MYOM1: variants seen among roughly 807,000 people sequenced by gnomAD.
The protein encoded by MYOM1 is myomesin 1.
A neutral mutation model predicts 205.3 loss-of-function variants in MYOM1; 164 were observed. The observed-to-expected ratio is 0.80, with a 90% CI of 0.70 to 0.91. The LOEUF is 0.91. Ranked by LOEUF, MYOM1 falls within the 40% of genes least tolerant of loss-of-function variation. The pLI is 0.00. For synonymous variants in MYOM1, 772 were observed against 789.4 expected (o/e 0.98, Z 0.37); for missense variants, 2,011 against 2,127.3 (o/e 0.95, Z 1.08).
At position 3,190,888 on chromosome 18, in the gene MYOM1, C is replaced by T. The variant is rs148160550; in HGVS notation, c.432-1801G>A. On this transcript the variant is annotated intron_variant, in intron 3 of 37. Transcript: ENST00000356443. Reference sequence around the variant, plus strand: ...CTTTATGTTTAAGTTCTCATTACTACTGATACTGGATATGTTGGCACAGCT... The same window carrying T: ...CTTTATGTTTAAGTTCTCATTACTATTGATACTGGATATGTTGGCACAGCT... Among the ~76,000 whole-genome samples, 3 of 152,270 alleles carry T rather than the reference C, an allele frequency of 2.0e-5. No homozygotes were observed. The East Asian group carries it at 5.8e-4, about 29-fold the overall frequency.
intron 2 of MYOM1, among the ~76,000 whole-genome samples, chr18:3,214,464 C>A (rs542631152): frequency 6.6e-6 from 1 of 152,302 alleles, no homozygotes; most frequent in Admixed American, 6.5e-5. Flanking sequence ...AGGCACGGGT[C>A]CCGGGTCTCC....
intron 15 of MYOM1, 52 bp from the exon 16 acceptor site, chr18:3,134,876 C>T (rs1377303035): frequency 1.3e-6 from 2 of 1,573,384 alleles, no homozygotes; most frequent in African/African-American, 2.7e-5. Flanking sequence ...AAAATTCATC[C>T]TTATCATCTA....
chr18:3,183,939 T>C (rs1393138808), intron 5 of MYOM1, among the ~76,000 whole-genome samples: 15 of 151,258 alleles, frequency 9.9e-5, no homozygotes. Flanking sequence ...AGGGTCACAC[T>C]CTATTGCTCA....
At chr18:3,169,065 GT>G in intron 8 of MYOM1, 84 bp from the exon 9 acceptor site, 1 of 1,074,836 alleles carries the variant, frequency 9.3e-7, no homozygotes, top group Middle Eastern at 2.1e-4. Context: ...GCAGAAAGCA[GT>G]CACAGCAAAA....
intron 34 of MYOM1, among the ~76,000 whole-genome samples, chr18:3,076,729 T>A (rs532999173): frequency 2.6e-4 from 39 of 152,078 alleles, no homozygotes; most frequent in African/African-American, 6.5e-4. Flanking sequence ...CAGCTTTTTT[T>A]TTTTTTTTGA....
chr18:3,119,774 A>G, intron 20 of MYOM1, 95 bp downstream of exon 20: 1 of 1,434,670 alleles, frequency 7.0e-7, no homozygotes, highest in Non-Finnish European at 9.3e-7. Context: ...TCCCTTAAAT[A>G]TTGACCATAT....
chr18:3,180,048 G>C (rs2080706290), intron 5 of MYOM1, among the ~76,000 whole-genome samples: 1 of 152,168 alleles, frequency 6.6e-6, no homozygotes, highest in African/African-American at 2.4e-5. Flanking sequence ...TGTAATCCCA[G>C]AACTTTGGGA....
At chr18:3,151,011 A>AT (rs568526467) in intron 12 of MYOM1, among the ~76,000 whole-genome samples, 560 of 53,834 alleles carry the variant, frequency 0.01, 1 homozygote, top group African/African-American at 0.035. Flanking sequence ...CATTTTTTTC[A>AT]TTTTTTTTTT....
At chr18:3,142,306 C>T (rs772415243) in intron 13 of MYOM1, among the ~76,000 whole-genome samples, 6 of 152,094 alleles carry the variant, frequency 3.9e-5, no homozygotes, top group African/African-American at 1.2e-4. Context: ...CTATCACCCA[C>T]GCTGGCATGC....
rs373194302 is a variant in MYOM1, at chr18:3,067,506, G to C, written c.4814C>G (p.Ser1605Trp). ...NVWGDPPPEV[S>W]WLKNEKALAS... ...CAGGGCCTTCTCGTTCTTCAACCAC[G>C]ACACCTCCGGAGGCGGGTCTCCCCA... is the stretch of plus-strand genomic sequence containing the variant. The change falls in exon 38 of 38, where the codon TCG becomes TGG. Residue 1605 changes from serine to tryptophan, a missense_variant. Physicochemically the swap from Ser to Trp is radical, Grantham distance 177. Coordinates refer to ENST00000356443, the MANE Select transcript of MYOM1 (RefSeq NM_003803.4). 1.2e-6 allele frequency: 2 copies of C among 1,613,702 alleles called. No individual in the cohort carries two copies.
At chr18:3,088,266 C>T (rs2079179217) in intron 29 of MYOM1, among the ~76,000 whole-genome samples, 2 of 151,968 alleles carry the variant, frequency 1.3e-5, no homozygotes, top group South Asian at 2.1e-4. Context: ...GGAGGGGCCA[C>T]GCAAATGAAG....
intron 34 of MYOM1, among the ~76,000 whole-genome samples, chr18:3,076,101 T>C (rs1472487409): frequency 1.3e-5 from 2 of 152,164 alleles, no homozygotes; most frequent in African/African-American, 4.8e-5. Flanking sequence ...AGTCTTGCTG[T>C]GCCCAGGCTG....
At chr18:3,085,168 G>T in intron 30 of MYOM1, 36 bp from the exon 31 acceptor site, 1 of 1,403,506 alleles carries the variant, frequency 7.1e-7, no homozygotes, top group South Asian at 1.2e-5. Context: ...TGCACCTTTC[G>T]TAGCCCCAGG....
At chr18:3,154,850 C>A (rs2080271467) in intron 11 of MYOM1, 97 bp downstream of exon 11, 2 of 1,359,696 alleles carry the variant, frequency 1.5e-6, no homozygotes, top group Non-Finnish European at 2.0e-6. Flanking sequence ...GAGAGGAAAG[C>A]CAGAAAAGAA....
chr18:3,093,960 T>C (rs2079262804), intron 26 of MYOM1, among the ~76,000 whole-genome samples: 1 of 152,186 alleles, frequency 6.6e-6, no homozygotes, highest in South Asian at 2.1e-4. Context: ...TTTATGACTG[T>C]TGTCCTTTCA....
chr18:3,136,650 A>G (rs2079970834), intron 14 of MYOM1, among the ~76,000 whole-genome samples: 1 of 151,964 alleles, frequency 6.6e-6, no homozygotes, highest in Admixed American at 6.6e-5. Context: ...GCTGGTCTCG[A>G]ACTCCTGGGC....
intron 2 of MYOM1, among the ~76,000 whole-genome samples, chr18:3,198,999 G>T (rs1045252542): frequency 6.6e-6 from 1 of 152,010 alleles, no homozygotes; most frequent in African/African-American, 2.4e-5. Flanking sequence ...ACCAATCAGG[G>T]CTCTGAAAAT....
intron 13 of MYOM1, among the ~76,000 whole-genome samples, chr18:3,145,369 C>CT (rs1482599198): frequency 6.6e-6 from 1 of 151,346 alleles, no homozygotes; most frequent in Non-Finnish European, 1.5e-5. Context: ...CAAGATAGAT[C>CT]TTTTTCTGGA....
chr18:3,111,616 A>G (rs1309990162), intron 22 of MYOM1, among the ~76,000 whole-genome samples: 2 of 152,230 alleles, frequency 1.3e-5, no homozygotes, highest in Non-Finnish European at 2.9e-5. Flanking sequence ...GAAGATTACT[A>G]TTTCAAAACA....
Sources: gnomAD v4.1 joint callset for allele counts (sites outside exome capture counted in the v4.1 genomes callset) on GRCh38, gnomAD v4.1.1 for gene constraint, MANE v1.5 for transcripts, NCBI Gene and HGNC (gene_info 2026-07-23, HGNC 2026-07-21) for gene names.